SLC1A1: variants seen among roughly 807,000 people sequenced by gnomAD.
The protein encoded by SLC1A1 is solute carrier family 1 member 1.
SLC1A1 carries 43 observed loss-of-function variants against 53.3 expected under a neutral mutation model. The ratio of observed to expected loss-of-function variants is 0.81; its 90% CI spans 0.63 to 1.04. SLC1A1 has a LOEUF of 1.04. Ranked by LOEUF, SLC1A1 falls within the 50% of genes least tolerant of loss-of-function variation. The probability of loss-of-function intolerance (pLI) is 0.00; values close to 1 mark genes in which losing one functional copy is unlikely to be tolerated. For missense variants in SLC1A1, 748 were observed against 664.9 expected, an observed-to-expected ratio of 1.12 and a Z score of -1.37; for synonymous variants, 307 against 243.2, an observed-to-expected ratio of 1.26 and a Z score of -2.44.
chr9:4,503,516 G>C (rs1353648647), intron 1 of SLC1A1, among the ~76,000 whole-genome samples: 3 of 151,786 alleles, frequency 2.0e-5, no homozygotes, highest in Non-Finnish European at 4.4e-5. Flanking sequence ...TTCAAAGAAG[G>C]TGCAACTGGG....
intron 1 of SLC1A1, among the ~76,000 whole-genome samples, chr9:4,500,019 G>T (rs1017617511): frequency 4.6e-5 from 7 of 152,182 alleles, no homozygotes. Context: ...AAGAGAGAAA[G>T]CTTTCCACAT....
At chr9:4,581,246 C>T (rs970058001) in intron 10 of SLC1A1, among the ~76,000 whole-genome samples, 2 of 152,208 alleles carry the variant, frequency 1.3e-5, no homozygotes, top group Non-Finnish European at 2.9e-5. Flanking sequence ...AGAGCCAAGT[C>T]CAATGGCCGG....
At chr9:4,524,975 C>G (rs1816208897) in intron 1 of SLC1A1, among the ~76,000 whole-genome samples, 1 of 152,132 alleles carries the variant, frequency 6.6e-6, no homozygotes, top group African/African-American at 2.4e-5. Context: ...AATACTGCCA[C>G]AGTGGGGATG....
intron 2 of SLC1A1, among the ~76,000 whole-genome samples, chr9:4,545,762 T>C (rs1231648625): frequency 6.6e-6 from 1 of 152,222 alleles, no homozygotes; most frequent in African/African-American, 2.4e-5. Context: ...TTATTGATCA[T>C]TACATTGCAG....
rs150095867 is a variant in SLC1A1, at chr9:4,574,252, C to T, written c.875+238C>T. Among the ~76,000 whole-genome samples, 224 of 152,234 alleles carry T rather than the reference C, an allele frequency of 1.5e-3. 2 individuals are homozygous for T. Among genetic ancestry groups the T allele is most frequent in the African/African-American group, 5.1e-3 (213 of 41,534 alleles). ...CAGCCTGGACCAGGCTTTGTCACTG[C>T]CTTTATTGGTTATGTTAAAATAATT... On this transcript the variant is annotated intron_variant, in intron 8 of 11. Transcript: ENST00000262352.
chr9:4,491,508 T>C (rs1231439235), intron 1 of SLC1A1, among the ~76,000 whole-genome samples: 3 of 152,252 alleles, frequency 2.0e-5, no homozygotes, highest in African/African-American at 2.4e-5. Flanking sequence ...GTTTAAGCCA[T>C]CCTTGCCTGT....
At chr9:4,572,479 A>G (rs1396780686) in intron 7 of SLC1A1, 91 bp downstream of exon 7, 4 of 1,163,456 alleles carry the variant, frequency 3.4e-6, no homozygotes, top group Non-Finnish European at 5.2e-6. Context: ...TTGTCAACTG[A>G]TGAAGCTAGA....
intron 1 of SLC1A1, among the ~76,000 whole-genome samples, chr9:4,538,254 T>C (rs1816749694): frequency 6.6e-6 from 1 of 152,200 alleles, no homozygotes. Flanking sequence ...AATCAGTACA[T>C]GTAAGATTTA....
In SLC1A1 at chr9:4,556,521, G is replaced by C. The variant is rs971149459; in HGVS notation, c.233-4928G>C. The stretch of plus-strand genomic sequence containing the variant: ...AACTGTAAAGAGAGGGGGTCCTTCA[G>C]ACCTCGCCAGCCACCAAAGATGGCC... On this transcript the variant is annotated intron_variant, in intron 2 of 11. Coordinates refer to ENST00000262352, the MANE Select transcript of SLC1A1 (RefSeq NM_004170.6). This position sits in a 1 kb window ranked among gnomAD's most constrained non-coding sequence, Gnocchi z 4.1. Among the ~76,000 whole-genome samples, 1 of 152,154 alleles carries C rather than the reference G, an allele frequency of 6.6e-6. No homozygotes were observed. The highest frequency in any genetic ancestry group is 2.4e-5 in the African/African-American group (1 of 41,440).
Position 4,583,252 on chromosome 9 carries a change from A to G in SLC1A1, c.1328+80A>G, listed in dbSNP as rs1821272883. ...CTCGCAGGCGCTGCAGTCTGTCATC[A>G]TTCTCTCCTCAGATTGCCTAATGAG... On this transcript the variant is annotated intron_variant, in intron 11 of 11. Coordinates refer to ENST00000262352, the MANE Select transcript of SLC1A1 (RefSeq NM_004170.6). The surrounding 1 kb of genome is among the most constrained non-coding windows in gnomAD (Gnocchi z 4.6). 6.3e-7 allele frequency: 1 copy of G among 1,575,552 alleles called. No individual in the cohort carries two copies. Among genetic ancestry groups the G allele is most frequent in the African/African-American group, 1.3e-5 (1 of 74,192 alleles).
chr9:4,544,615 T>C lies in SLC1A1; in HGVS notation c.140T>C (p.Leu47Pro), dbSNP rs769918284. 15 of 1,613,366 alleles carry C rather than the reference T, an allele frequency of 9.3e-6. No individual in the cohort carries two copies. The highest frequency in any genetic ancestry group is 2.7e-5 in the African/African-American group (2 of 74,924). ...LVREHSNLST[L>P]EKFYFAFPGE... Reference sequence around the variant, plus strand: ...CGAGAACACAGCAACCTCTCAACTCTAGAGAAATTCTACTTTGCTTTTCCT... The same window carrying C: ...CGAGAACACAGCAACCTCTCAACTCCAGAGAAATTCTACTTTGCTTTTCCT... Residue 47 changes from leucine (L) to proline (P), a missense_variant, in exon 2 of 12, where the codon CTA becomes CCA. Physicochemically the swap from Leu to Pro is moderately conservative, Grantham distance 98. Transcript: ENST00000262352.
intron 1 of SLC1A1, among the ~76,000 whole-genome samples, chr9:4,499,880 GA>G (rs1261120618): frequency 6.6e-6 from 1 of 152,238 alleles, no homozygotes; most frequent in African/African-American, 2.4e-5. Flanking sequence ...ACGCTGTGTA[GA>G]AAATTTTTGT....
intron 2 of SLC1A1, among the ~76,000 whole-genome samples, chr9:4,560,948 A>G (rs1056762146): frequency 1.3e-5 from 2 of 151,714 alleles, no homozygotes; most frequent in African/African-American, 4.8e-5. Flanking sequence ...ATGAGCCGAG[A>G]TCACACCATT....
intron 11 of SLC1A1, 149 bp from the exon 12 acceptor site, chr9:4,585,163 G>A (rs1210946597): frequency 4.0e-6 from 4 of 999,214 alleles, no homozygotes; most frequent in Non-Finnish European, 6.1e-6. Flanking sequence ...CCCCAGGCCT[G>A]TGAGGAGCCT....
intron 6 of SLC1A1, among the ~76,000 whole-genome samples, chr9:4,568,623 A>C (rs1819717614): frequency 6.6e-6 from 1 of 151,104 alleles, no homozygotes. Flanking sequence ...TGAGAGGCTG[A>C]GGCAGGAGGA....
In SLC1A1 at chr9:4,562,065, C is replaced by CT. The variant is rs745615028; in HGVS notation, c.325+546dup. 6.6e-3 allele frequency among the ~76,000 whole-genome samples: 624 copies of CT among 94,258 alleles called. 13 individuals carry two copies. Among genetic ancestry groups the CT allele is most frequent in the African/African-American group, 0.02 (523 of 25,676 alleles). 61.8% of individuals were successfully genotyped at this position (94,258 alleles called of 152,430 possible). ...GAGCCACTGTGCCTGGCCCTAACTA[C>CT]TTTTTTTTTTTTTTTTTTTTTTCAA... On this transcript the variant is annotated intron_variant, in intron 3 of 11. Transcript: ENST00000262352.
chr9:4,563,324 A>G (rs1418677828), intron 3 of SLC1A1, among the ~76,000 whole-genome samples: 2 of 152,274 alleles, frequency 1.3e-5, no homozygotes, highest in East Asian at 3.9e-4. Flanking sequence ...GTACCATAAA[A>G]CAAAACCACA....
intron 4 of SLC1A1, 49 bp downstream of exon 4, chr9:4,564,507 C>G (rs1819298108): frequency 1.9e-6 from 2 of 1,049,720 alleles, no homozygotes; most frequent in Non-Finnish European, 3.0e-6. Flanking sequence ...GATAGCAGCA[C>G]AAGGCCTTGT....
In SLC1A1 at chr9:4,521,539, C is replaced by T. The variant is rs535110130; in HGVS notation, c.92-23028C>T. Among the ~76,000 whole-genome samples, 11 of 152,218 alleles carry T rather than the reference C, an allele frequency of 7.2e-5. 1 individual carries two copies. Among genetic ancestry groups the T allele is most frequent in the South Asian group, 4.1e-4 (2 of 4,822 alleles). On this transcript the variant is annotated intron_variant, in intron 1 of 11. Coordinates refer to ENST00000262352, the MANE Select transcript of SLC1A1 (RefSeq NM_004170.6). ...GGCATGGACACCTTGTTTTTGCTTC[C>T]GAATTGCTCTTAAAGAAAAATTCTG...
Sources: gnomAD v4.1 joint callset for allele counts (sites outside exome capture counted in the v4.1 genomes callset) on GRCh38, gnomAD v4.1.1 for gene constraint, Gnocchi (gnomAD v3.1) non-coding constraint, MANE v1.5 for transcripts, NCBI Gene and HGNC (gene_info 2026-07-23, HGNC 2026-07-21) for gene names.